MEIS1: variants seen among roughly 807,000 people sequenced by gnomAD.
MEIS1 encodes Meis homeobox 1, also known as homeobox protein Meis1.
MEIS1 carries 5 observed loss-of-function variants against 50.8 expected under a neutral mutation model. That is an observed-to-expected ratio of 0.10 (90% CI 0.05 to 0.21). The LOEUF is 0.21. Ranked by LOEUF, MEIS1 falls within the 10% of genes least tolerant of loss-of-function variation. The pLI is 1.00. For synonymous variants in MEIS1, 176 were observed against 179.3 expected (o/e 0.98, Z 0.15); for missense variants, 318 against 517.3 (o/e 0.61, Z 3.74).
intron 8 of MEIS1, among the ~76,000 whole-genome samples, chr2:66,538,828 G>A (rs1488938307): frequency 6.6e-6 from 1 of 152,156 alleles, no homozygotes; most frequent in Non-Finnish European, 1.5e-5. Flanking sequence ...GCATATTGTA[G>A]TGTGGTTAGA....
At chr2:66,505,720 A>T (rs184862964) in intron 7 of MEIS1, among the ~76,000 whole-genome samples, 1 of 152,212 alleles carries the variant, frequency 6.6e-6, no homozygotes, top group South Asian at 2.1e-4. Flanking sequence ...AACAGCAAGA[A>T]ATTTTAGTTA....
rs183962143 is a variant in MEIS1, at chr2:66,514,666, T to G, written c.888+2372T>G. On this transcript the variant is annotated intron_variant, in intron 8 of 12. Transcript: ENST00000272369. ...CATCTGCTCATACAGAAATATTGATTAATGATAATGGTCTGTAGATAGCTA... is the reference window on the plus strand; with the variant it reads ...CATCTGCTCATACAGAAATATTGATGAATGATAATGGTCTGTAGATAGCTA... 6.9e-3 allele frequency among the ~76,000 whole-genome samples: 1,058 copies of G among 152,292 alleles called. 9 individuals are homozygous for G. The highest frequency in any genetic ancestry group is 0.024 in the African/African-American group (1,003 of 41,564).
At chr2:66,532,101 G>A (rs1404220280) in intron 8 of MEIS1, among the ~76,000 whole-genome samples, 1 of 152,048 alleles carries the variant, frequency 6.6e-6, no homozygotes, top group African/African-American at 2.4e-5. Context: ...CTGTTCCTAT[G>A]GGAATTAGTT....
At chr2:66,567,407 T>A (rs1189692817) in intron 9 of MEIS1, 46 bp from the exon 10 acceptor site, 1 of 1,586,546 alleles carries the variant, frequency 6.3e-7, no homozygotes. Flanking sequence ...CAACCCCCCC[T>A]TTTATTTTTA....
chr2:66,456,514 C>G (rs552138824), intron 6 of MEIS1, among the ~76,000 whole-genome samples: 6 of 152,186 alleles, frequency 3.9e-5, no homozygotes, highest in Non-Finnish European at 7.3e-5. Flanking sequence ...GCCACAGATT[C>G]TGAAGAGGGA....
chr2:66,446,416 G>A (rs1316516790), intron 6 of MEIS1, among the ~76,000 whole-genome samples: 1 of 152,164 alleles, frequency 6.6e-6, no homozygotes, highest in East Asian at 1.9e-4. Context: ...GCGGAGCAGA[G>A]TCTCTAGGCC....
intron 7 of MEIS1, among the ~76,000 whole-genome samples, chr2:66,481,650 C>A (rs760387012): frequency 6.6e-6 from 1 of 152,078 alleles, no homozygotes; most frequent in Non-Finnish European, 1.5e-5. Flanking sequence ...TCTTGCCTCT[C>A]CATAAGGCTG....
intron 6 of MEIS1, among the ~76,000 whole-genome samples, chr2:66,450,343 T>C (rs1318726870): frequency 2.0e-5 from 3 of 152,130 alleles, no homozygotes; most frequent in Non-Finnish European, 4.4e-5. Context: ...AATCCTGGCA[T>C]GCACTTATAG....
chr2:66,570,329 C>T (rs1046906923), intron 12 of MEIS1: 2 of 151,342 alleles, frequency 1.3e-5, no homozygotes, highest in African/African-American at 4.9e-5. Context: ...TTTTATGCTT[C>T]GTGACCAATT....
At chr2:66,556,069 A>C (rs533533320) in intron 9 of MEIS1, among the ~76,000 whole-genome samples, 45 of 152,260 alleles carry the variant, frequency 3.0e-4, no homozygotes, top group Admixed American at 7.8e-4. Context: ...ACAAAAAAAA[A>C]CCTACAACAA....
At chr2:66,548,075 C>A (rs369715938) in intron 9 of MEIS1, 56 bp downstream of exon 9, 16 of 1,553,594 alleles carry the variant, frequency 1.0e-5, no homozygotes, top group East Asian at 4.5e-5. Flanking sequence ...TGGCAACCTG[C>A]AGCTCATGTT....
At chr2:66,504,227 A>G (rs1341994302) in intron 7 of MEIS1, among the ~76,000 whole-genome samples, 1 of 151,362 alleles carries the variant, frequency 6.6e-6, no homozygotes, top group Non-Finnish European at 1.5e-5. Flanking sequence ...ACTGGTTAAC[A>G]ATTAACAATT....
intron 8 of MEIS1, among the ~76,000 whole-genome samples, chr2:66,529,079 A>C (rs1674327084): frequency 2.6e-5 from 4 of 152,026 alleles, no homozygotes; most frequent in African/African-American, 9.7e-5. Context: ...TTCACATCTT[A>C]GTACAATTGT....
At chr2:66,465,960 C>T (rs1322915610) in intron 7 of MEIS1, among the ~76,000 whole-genome samples, 2 of 152,288 alleles carry the variant, frequency 1.3e-5, no homozygotes, top group East Asian at 1.9e-4. Flanking sequence ...ATATTATTCA[C>T]ATTACTTTCT....
intron 6 of MEIS1, among the ~76,000 whole-genome samples, chr2:66,455,358 C>T (rs1052227737): frequency 6.6e-6 from 1 of 152,130 alleles, no homozygotes; most frequent in African/African-American, 2.4e-5. Context: ...TCTTCTTAGA[C>T]CACAGTAGGG....
At chr2:66,498,239 G>A (rs549275097) in intron 7 of MEIS1, among the ~76,000 whole-genome samples, 17 of 152,242 alleles carry the variant, frequency 1.1e-4, no homozygotes, top group South Asian at 4.1e-4. Flanking sequence ...GCTGCCAAAC[G>A]ATGCGCGAAA....
At chr2:66,464,073 G>A (rs771835859) in intron 6 of MEIS1, 36 bp from the exon 7 acceptor site, 15 of 1,450,860 alleles carry the variant, frequency 1.0e-5, no homozygotes, top group Admixed American at 1.9e-5. Context: ...GTTCACAGAT[G>A]CCTCTTATTT....
chr2:66,462,295 A>G (rs1394100753), intron 6 of MEIS1, among the ~76,000 whole-genome samples: 1 of 152,224 alleles, frequency 6.6e-6, no homozygotes, highest in Non-Finnish European at 1.5e-5. Flanking sequence ...CCAGTCAACA[A>G]TAGTAGTGAG....
At chr2:66,477,768 A>G (rs1402543569) in intron 7 of MEIS1, among the ~76,000 whole-genome samples, 1 of 152,148 alleles carries the variant, frequency 6.6e-6, no homozygotes, top group Non-Finnish European at 1.5e-5. Context: ...ATGGGCCTTC[A>G]TGTTTATGTG....
Sources: allele counts gnomAD v4.1 joint callset (sites outside exome capture counted in the v4.1 genomes callset), GRCh38; gene constraint gnomAD v4.1.1; transcripts MANE v1.5; gene names NCBI Gene and HGNC (gene_info 2026-07-23, HGNC 2026-07-21).